Variants in ADGRB3 observed in about 807,000 individuals in gnomAD.
ADGRB3 encodes brain-specific angiogenesis inhibitor 3.
In ADGRB3, 37 loss-of-function variants were observed where a neutral mutation model predicts 193.4. The observed-to-expected ratio is 0.19, with a 90% CI of 0.15 to 0.25. The LOEUF (loss-of-function observed/expected upper bound fraction) is 0.25. Among genes scored for constraint, ADGRB3 ranks in the 10% least tolerant of loss-of-function variants. The pLI is 1.00. For missense variants in ADGRB3, 1,637 were observed against 1,852.9 expected (o/e 0.88, Z 2.14); for synonymous variants, 690 against 644.2 (o/e 1.07, Z -1.08).
chr6:68,794,507 T>C (rs1329825599), intron 3 of ADGRB3, among the ~76,000 whole-genome samples: 1 of 152,120 alleles, frequency 6.6e-6, no homozygotes, highest in Non-Finnish European at 1.5e-5. Context: ...CTGTAACATA[T>C]TGAGCTTATA....
intron 3 of ADGRB3, among the ~76,000 whole-genome samples, chr6:68,771,366 A>G (rs920895887): frequency 4.7e-5 from 7 of 148,048 alleles, no homozygotes; most frequent in African/African-American, 1.8e-4. Context: ...AGACCATGCT[A>G]TGTGTGCTAG....
chr6:69,007,397 C>A (rs1369182558), intron 11 of ADGRB3, among the ~76,000 whole-genome samples: 1 of 152,056 alleles, frequency 6.6e-6, no homozygotes, highest in African/African-American at 2.4e-5. Context: ...CTTTACCTGA[C>A]CCCTGTGTAT....
In ADGRB3 at chr6:69,252,084, G is replaced by C. The variant is rs566468349; in HGVS notation, c.2814+12858G>C. On this transcript the variant is annotated intron_variant, in intron 20 of 31. Transcript: ENST00000370598. ...TCAATCCCCATCCCCTCATAGGCAA[G>C]CGTTGTTCTGATTCCTGTCATCGTG... Among the ~76,000 whole-genome samples the C allele has an allele frequency of 2.0e-5, 3 of 152,164 alleles. No homozygotes were observed. In the East Asian group the frequency reaches 5.8e-4, roughly 29 times the overall value.
intron 3 of ADGRB3, among the ~76,000 whole-genome samples, chr6:68,773,545 G>T (rs1370530003): frequency 6.6e-6 from 1 of 152,078 alleles, no homozygotes; most frequent in Admixed American, 6.6e-5. Context: ...GTTGGCCACT[G>T]TACTAACACT....
chr6:68,823,974 C>T (rs1230457360), intron 3 of ADGRB3, among the ~76,000 whole-genome samples: 1 of 152,062 alleles, frequency 6.6e-6, no homozygotes, highest in Non-Finnish European at 1.5e-5. Flanking sequence ...CAATTTTTAA[C>T]ATTGCCCTGG....
At chr6:69,151,309 G>A (rs1416763297) in intron 17 of ADGRB3, among the ~76,000 whole-genome samples, 5 of 152,060 alleles carry the variant, frequency 3.3e-5, no homozygotes, top group Non-Finnish European at 7.4e-5. Context: ...ATTCCCCTCC[G>A]GCCAGTGCTA....
intron 5 of ADGRB3, among the ~76,000 whole-genome samples, chr6:68,942,519 T>A (rs890214601): frequency 6.6e-6 from 1 of 152,082 alleles, no homozygotes; most frequent in African/African-American, 2.4e-5. Context: ...TTTATTGATG[T>A]TGTCTATTAG....
chr6:69,303,796 G>T (rs1211463278), intron 20 of ADGRB3, among the ~76,000 whole-genome samples: 1 of 151,982 alleles, frequency 6.6e-6, no homozygotes, highest in Non-Finnish European at 1.5e-5. Context: ...AATGTCTGGG[G>T]AAAGTGACTT....
chr6:69,306,442 C>A (rs960877739), intron 20 of ADGRB3, among the ~76,000 whole-genome samples: 12 of 151,402 alleles, frequency 7.9e-5, no homozygotes, highest in African/African-American at 2.9e-4. Flanking sequence ...ATCATGGATT[C>A]ATTAAGTTGA....
intron 17 of ADGRB3, chr6:69,232,458 C>A: frequency 6.6e-7 from 1 of 1,516,060 alleles, no homozygotes; most frequent in Non-Finnish European, 8.8e-7. Context: ...GAACCAGGCT[C>A]TCTTCCCTAC....
intron 20 of ADGRB3, among the ~76,000 whole-genome samples, chr6:69,272,517 G>C (rs1222066825): frequency 3.3e-5 from 5 of 152,180 alleles, no homozygotes; most frequent in African/African-American, 4.8e-5. Context: ...AATTAGCATT[G>C]CAGTGCAATT....
chr6:69,279,763 G>T (rs1300708188), intron 20 of ADGRB3, among the ~76,000 whole-genome samples: 1 of 152,028 alleles, frequency 6.6e-6, no homozygotes, highest in Non-Finnish European at 1.5e-5. Flanking sequence ...TGCTAGGTTT[G>T]TCCTCAGCCT....
intron 6 of ADGRB3, among the ~76,000 whole-genome samples, chr6:68,951,247 T>C: frequency 6.6e-6 from 1 of 152,200 alleles, no homozygotes; most frequent in East Asian, 1.9e-4. Flanking sequence ...AACACTAATG[T>C]CATTTTATTG....
intron 15 of ADGRB3, among the ~76,000 whole-genome samples, chr6:69,058,443 A>G (rs1053524421): frequency 2.6e-5 from 4 of 151,954 alleles, no homozygotes; most frequent in South Asian, 2.1e-4. Flanking sequence ...TCTATTCTGT[A>G]TATTTCAGCT....
At chr6:69,320,817 A>ATGTGTGTGTGTG (rs1491560826) in intron 20 of ADGRB3, among the ~76,000 whole-genome samples, 58 of 104,964 alleles carry the variant, frequency 5.5e-4, no homozygotes, top group Non-Finnish European at 7.8e-4. Flanking sequence ...GTGCTTGTGC[A>ATGTGTGTGTGTG]TGTGTGTATG....
chr6:69,130,015 A>G lies in ADGRB3; in HGVS notation c.2480+53977A>G, dbSNP rs544214334. Among the ~76,000 whole-genome samples, 10 of 152,210 alleles carry G rather than the reference A, an allele frequency of 6.6e-5. No individual in the cohort carries two copies. In the East Asian group the frequency reaches 9.7e-4, roughly 15 times the overall value. On this transcript the variant is annotated intron_variant, in intron 17 of 31. Coordinates refer to ENST00000370598, the MANE Select transcript of ADGRB3 (RefSeq NM_001704.3). ...CTTGTCCTAGTCCATTCAGGTTGCT[A>G]TAACAAAATATTATAAACTGGGTAA... is the stretch of plus-strand genomic sequence containing the variant.
chr6:69,005,249 T>C (rs1445889790), intron 11 of ADGRB3, among the ~76,000 whole-genome samples: 1 of 151,600 alleles, frequency 6.6e-6, no homozygotes, highest in Non-Finnish European at 1.5e-5. Context: ...GCACTAAAGA[T>C]TGGATGACTT....
intron 3 of ADGRB3, among the ~76,000 whole-genome samples, chr6:68,683,697 C>T (rs906919031): frequency 6.6e-6 from 1 of 152,082 alleles, no homozygotes; most frequent in Non-Finnish European, 1.5e-5. Flanking sequence ...TTCCATTTTT[C>T]CTGAGATGTA....
At chr6:68,678,383 C>G (rs1477504650) in intron 3 of ADGRB3, among the ~76,000 whole-genome samples, 3 of 152,094 alleles carry the variant, frequency 2.0e-5, no homozygotes, top group African/African-American at 7.2e-5. Flanking sequence ...AAAAAATAAA[C>G]AACAATCAAC....
Sources: gnomAD v4.1 joint callset for allele counts (sites outside exome capture counted in the v4.1 genomes callset) on GRCh38, gnomAD v4.1.1 for gene constraint, MANE v1.5 for transcripts, NCBI Gene and HGNC (gene_info 2026-07-23, HGNC 2026-07-21) for gene names.